Variants in PATZ1 observed in about 807,000 individuals in gnomAD.
PATZ1 encodes POZ-, AT hook-, and zinc finger-containing protein 1.
PATZ1 carries 9 observed loss-of-function variants against 46.2 expected under a neutral mutation model. That is an observed-to-expected ratio of 0.19 (90% CI 0.12 to 0.34). The LOEUF is 0.34. Among genes scored for constraint, PATZ1 ranks in the 10% least tolerant of loss-of-function variants. The probability of loss-of-function intolerance (pLI) is 1.00; values close to 1 mark genes in which losing one functional copy is unlikely to be tolerated. For synonymous variants in PATZ1, 426 were observed against 378.6 expected (o/e 1.13, Z -1.45); for missense variants, 632 against 923.0 (o/e 0.68, Z 4.08).
intron 2 of PATZ1, among the ~76,000 whole-genome samples, chr22:31,340,325 G>A (rs2049564296): frequency 6.6e-6 from 1 of 152,210 alleles, no homozygotes; most frequent in African/African-American, 2.4e-5. Context: ...GCATCAGGAG[G>A]GGATGAGCGA....
Position 31,344,754 on chromosome 22 carries a change from T to G in PATZ1, c.849A>C (p.Pro283=). ...ANLLDSMFGS[P]GGLREAGILP... is the part of the protein sequence containing the mutation. ...GGATGCCTGCCTCCCTCAGGCCCCCTGGGGACCCAAACATTGAGTCCAGCA... is the reference window on the plus strand; with the variant it reads ...GGATGCCTGCCTCCCTCAGGCCCCCGGGGGACCCAAACATTGAGTCCAGCA... The change falls in exon 1 of 5, where the codon CCA becomes CCC. Residue 283 remains proline (P), a synonymous_variant. Coordinates refer to ENST00000266269, the MANE Select transcript of PATZ1 (RefSeq NM_014323.3). 3 of 1,609,704 alleles carry G rather than the reference T, an allele frequency of 1.9e-6. No individual in the cohort carries two copies. The highest frequency in any genetic ancestry group is 2.5e-6 in the Non-Finnish European group (3 of 1,177,454).
rs1236295024 is a variant in PATZ1 at position 31,325,880 on chromosome 22, CAT to C, written c.*1009_*1010del. 1 of 207,568 alleles carries C rather than the reference CAT, an allele frequency of 4.8e-6. No individual in the cohort carries two copies. Among genetic ancestry groups the C allele is most frequent in the Non-Finnish European group, 9.9e-6 (1 of 101,512 alleles). 12.9% of individuals were successfully genotyped at this position (207,568 alleles called of 1,614,324 possible). On this transcript the variant is annotated 3_prime_UTR_variant, in exon 5 of 5. Transcript: ENST00000266269. ...CACAAGGTCAACCTGGGCTTGCTCACATGTGACACAACTGAGGTACACAATGT... is the reference window on the plus strand; with the variant it reads ...CACAAGGTCAACCTGGGCTTGCTCACGTGACACAACTGAGGTACACAATGT...
At chr22:31,342,700 C>T (rs1464185350) in intron 2 of PATZ1, among the ~76,000 whole-genome samples, 197 bp downstream of exon 2, 2 of 151,978 alleles carry the variant, frequency 1.3e-5, no homozygotes, top group Admixed American at 6.6e-5. Context: ...GAAGGAGGAA[C>T]GTCAGCTGTG....
rs1372578105 is a variant in PATZ1, at chr22:31,343,275, CAG to C, written c.1272-317_1272-316del. On this transcript the variant is annotated intron_variant, in intron 1 of 4. Coordinates refer to ENST00000266269, the MANE Select transcript of PATZ1 (RefSeq NM_014323.3). ...CAGAGGCGGTGGCAGTAGAATGAAACAGAGCTGCCTCACTGCAGCCTTTCCAG... is the reference window on the plus strand; with the variant it reads ...CAGAGGCGGTGGCAGTAGAATGAAACAGCTGCCTCACTGCAGCCTTTCCAG... The C allele has an allele frequency of 1.8e-5, 20 of 1,103,514 alleles. No individual in the cohort carries two copies. In the African/African-American group the frequency reaches 2.6e-4, roughly 14 times the overall value. The allele number at this position is 1,103,514 out of a possible 1,614,324, so 68.4% of individuals were successfully genotyped here. A position where few individuals can be genotyped will look rare whatever the true frequency, so the allele number is the denominator to read the frequency against.
chr22:31,331,379 G>C (rs560893172), intron 3 of PATZ1, among the ~76,000 whole-genome samples: 1 of 143,032 alleles, frequency 7.0e-6, no homozygotes, highest in African/African-American at 2.7e-5. Flanking sequence ...TCTCACTCTC[G>C]CTCAGGCTGG....
At position 31,326,938 on chromosome 22, in the gene PATZ1, C is replaced by T; in HGVS notation, c.2017G>A (p.Val673Ile). The T allele has an allele frequency of 6.2e-7, 1 of 1,614,176 alleles. No individual in the cohort carries two copies. Among genetic ancestry groups the T allele is most frequent in the South Asian group, 1.1e-5 (1 of 91,080 alleles). Reference protein sequence around the residue: ...IVQSAFASSLVDPEVDQQPMG... With the variant: ...IVQSAFASSLIDPEVDQQPMG... ...GGCTGCTGGTCAACCTCAGGATCTA[C>T]TAAAGATGACGCAAATGCCGACTGA... The change falls in exon 5 of 5, where the codon GTA becomes ATA. Residue 673 changes from valine to isoleucine, a missense_variant. Val to Ile is a conservative substitution (Grantham distance 29). Transcript: ENST00000266269.
At chr22:31,342,366 G>A (rs1242973005) in intron 2 of PATZ1, among the ~76,000 whole-genome samples, 6 of 152,132 alleles carry the variant, frequency 3.9e-5, no homozygotes, top group Non-Finnish European at 7.4e-5. Context: ...AGATGCCAGT[G>A]TGGGAGAGGG....
At position 31,336,567 on chromosome 22, in the gene PATZ1, G is replaced by A. The variant is rs189999423; in HGVS notation, c.1336-704C>T. Among the ~76,000 whole-genome samples, 295 of 152,156 alleles carry A rather than the reference G, an allele frequency of 1.9e-3. 1 individual carries two copies. The highest frequency in any genetic ancestry group is 6.7e-3 in the African/African-American group (278 of 41,512). ...TGCTTGTAATCCCAGCGCTTTGGGA[G>A]GCCGAGATGGGTGGATCACCTGAGG... On this transcript the variant is annotated intron_variant, in intron 2 of 4. Coordinates refer to ENST00000266269, the MANE Select transcript of PATZ1 (RefSeq NM_014323.3).
At chr22:31,341,561 A>G (rs773807127) in intron 2 of PATZ1, 1 of 1,613,996 alleles carries the variant, frequency 6.2e-7, no homozygotes, top group African/African-American at 1.3e-5. Context: ...GAGAAAGGGA[A>G]AAGGCGGTGT....
intron 2 of PATZ1, 78 bp from the exon 3 acceptor site, chr22:31,335,941 C>T: frequency 7.3e-7 from 1 of 1,375,110 alleles, no homozygotes; most frequent in Non-Finnish European, 1.0e-6. Flanking sequence ...CACCATGAAG[C>T]AAAGGCAATT....
At chr22:31,335,578 A>AG (rs1161307207) in intron 3 of PATZ1, 114 bp downstream of exon 3, 1 of 919,308 alleles carries the variant, frequency 1.1e-6, no homozygotes, top group Non-Finnish European at 1.7e-6. Context: ...AGTGGGAAGT[A>AG]GGGGGTGGCT....
intron 2 of PATZ1, among the ~76,000 whole-genome samples, chr22:31,339,451 A>C (rs1172588955): frequency 6.6e-6 from 1 of 152,188 alleles, no homozygotes. Flanking sequence ...AACACAGAAC[A>C]TGAAAGAGCC....
intron 3 of PATZ1, 80 bp from the exon 4 acceptor site, chr22:31,329,004 C>T (rs879037073): frequency 6.2e-6 from 9 of 1,451,174 alleles, no homozygotes; most frequent in East Asian, 2.4e-5. Context: ...CTCCTCTGGC[C>T]GCTCTGGCTA....
intron 3 of PATZ1, among the ~76,000 whole-genome samples, chr22:31,332,931 CTCCCTTT>C (rs2049460617): frequency 6.6e-6 from 1 of 152,246 alleles, no homozygotes; most frequent in Non-Finnish European, 1.5e-5. Flanking sequence ...CCAGGGCCTT[CTCCCTTT>C]TCCACTGTTC....
At chr22:31,330,809 C>G (rs2049431945) in intron 3 of PATZ1, among the ~76,000 whole-genome samples, 1 of 152,134 alleles carries the variant, frequency 6.6e-6, no homozygotes, top group African/African-American at 2.4e-5. Flanking sequence ...ATCCAGTGGA[C>G]TTTTACAATA....
chr22:31,331,343 CCTTTT>C (rs2049439736), intron 3 of PATZ1, among the ~76,000 whole-genome samples: 1 of 133,446 alleles, frequency 7.5e-6, no homozygotes, highest in Non-Finnish European at 1.5e-5. Context: ...GTAATTTTTT[CCTTTT>C]TTTTTTTTTT....
chr22:31,330,158 C>T (rs1238341651), intron 3 of PATZ1, among the ~76,000 whole-genome samples: 1 of 152,204 alleles, frequency 6.6e-6, no homozygotes, highest in Non-Finnish European at 1.5e-5. Context: ...ATTTTGAATG[C>T]TGCTGGAACT....
Position 31,344,929 on chromosome 22 carries a change from G to A in PATZ1, c.674C>T (p.Ser225Phe), listed in dbSNP as rs983301383. 6.2e-7 allele frequency: 1 copy of A among 1,613,586 alleles called. No individual in the cohort carries two copies. Among genetic ancestry groups the A allele is most frequent in the African/African-American group, 1.3e-5 (1 of 74,968 alleles). The part of the protein sequence containing the change: ...AAGAAIAGQA[S>F]LPVLPGVDRL... ...GTCCACCCCAGGTAACACAGGCAAA[G>A]AGGCTTGGCCTGCAATGGCTGCACC... The change falls in exon 1 of 5, where the codon TCT becomes TTT. Residue 225 changes from serine (S) to phenylalanine (F), a missense_variant. By Grantham distance (155) the Ser-to-Phe change is radical. Around this residue, in one of 7 missense-constraint regions of PATZ1, gnomAD observed 279 missense variants for 284.3 expected, o/e 0.98. Transcript: ENST00000266269.
At chr22:31,334,696 C>G (rs949475826) in intron 3 of PATZ1, among the ~76,000 whole-genome samples, 2 of 152,104 alleles carry the variant, frequency 1.3e-5, no homozygotes, top group African/African-American at 4.8e-5. Flanking sequence ...ATTCTTAACC[C>G]CATTTGAGAG....
Sources: allele counts gnomAD v4.1 joint callset (sites outside exome capture counted in the v4.1 genomes callset), GRCh38; gene constraint gnomAD v4.1.1; regional missense constraint gnomAD v4.1.1; transcripts MANE v1.5; gene names NCBI Gene and HGNC (gene_info 2026-07-23, HGNC 2026-07-21).